The following GPR158 variants were observed in gnomAD, a reference collection of about 807,000 sequenced individuals.
GPR158 encodes the protein metabotropic glycine receptor.
Under a neutral mutation model 78.2 loss-of-function variants are expected in GPR158, and 30 were observed. The observed-to-expected ratio is 0.38, with a 90% CI of 0.29 to 0.52. GPR158 has a LOEUF of 0.52. Among genes scored for constraint, GPR158 ranks in the 20% least tolerant of loss-of-function variants. The probability of loss-of-function intolerance (pLI) is 0.83; values close to 1 mark genes in which losing one functional copy is unlikely to be tolerated. For missense variants in GPR158, 1,463 were observed against 1,523.5 expected (o/e 0.96, Z 0.66); for synonymous variants, 581 against 591.1 (o/e 0.98, Z 0.25).
chr10:25,340,954 C>A (rs983202281), intron 2 of GPR158, among the ~76,000 whole-genome samples: 2 of 151,638 alleles, frequency 1.3e-5, no homozygotes, highest in Admixed American at 6.6e-5. Flanking sequence ...AAACCAAATA[C>A]AATTTTTTTT....
intron 2 of GPR158, among the ~76,000 whole-genome samples, chr10:25,384,208 G>A (rs931368354): frequency 6.6e-6 from 1 of 151,840 alleles, no homozygotes; most frequent in Non-Finnish European, 1.5e-5. Context: ...CTATATTTTA[G>A]GATTAAAATA....
At chr10:25,314,335 A>T (rs1052809076) in intron 2 of GPR158, among the ~76,000 whole-genome samples, 1 of 152,076 alleles carries the variant, frequency 6.6e-6, no homozygotes, top group Admixed American at 6.5e-5. Flanking sequence ...TCTTGACCTC[A>T]TGATCTGCCC....
intron 2 of GPR158, among the ~76,000 whole-genome samples, chr10:25,322,480 CTT>C (rs1171215662): frequency 6.6e-6 from 1 of 152,122 alleles, no homozygotes; most frequent in Non-Finnish European, 1.5e-5. Context: ...CTAGAAAAGT[CTT>C]TGTATCTTTA....
chr10:25,217,450 G>A (rs1410962434), intron 1 of GPR158, among the ~76,000 whole-genome samples: 3 of 152,090 alleles, frequency 2.0e-5, no homozygotes, highest in African/African-American at 7.2e-5. Flanking sequence ...ACATACATGT[G>A]TATTCATGAT....
At chr10:25,198,471 C>T (rs1302337794) in intron 1 of GPR158, among the ~76,000 whole-genome samples, 2 of 152,104 alleles carry the variant, frequency 1.3e-5, no homozygotes, top group Non-Finnish European at 2.9e-5. Context: ...TTTACATTAT[C>T]ACAGGACTAT....
chr10:25,391,566 G>T (rs1345878146), intron 2 of GPR158, among the ~76,000 whole-genome samples: 2 of 152,142 alleles, frequency 1.3e-5, no homozygotes, highest in African/African-American at 4.8e-5. Flanking sequence ...CTTTATGTTG[G>T]CCAATTTATC....
At chr10:25,422,105 A>T (rs1170590838) in intron 4 of GPR158, among the ~76,000 whole-genome samples, 1 of 152,118 alleles carries the variant, frequency 6.6e-6, no homozygotes, top group Non-Finnish European at 1.5e-5. Context: ...CCATTCACCC[A>T]CCACCGACTG....
chr10:25,219,496 C>G (rs1853268373), intron 1 of GPR158, among the ~76,000 whole-genome samples: 1 of 152,178 alleles, frequency 6.6e-6, no homozygotes, highest in African/African-American at 2.4e-5. Flanking sequence ...TCTGAATGAT[C>G]AGCGTGTTTT....
chr10:25,179,136 A>G (rs1485360124), intron 1 of GPR158, among the ~76,000 whole-genome samples: 1 of 152,214 alleles, frequency 6.6e-6, no homozygotes, highest in Non-Finnish European at 1.5e-5. Flanking sequence ...CATACTCATA[A>G]AGGAAAAGGT....
Position 25,384,061 on chromosome 10 carries a change from CTATT to C in GPR158, c.1009-11845_1009-11842del, listed in dbSNP as rs1478818073. ...GTATGTGGTAAACAGTAAATATTAA[CTATT>C]TATTATCTTATTTACCCTTACTTTA... On this transcript the variant is annotated intron_variant, in intron 2 of 10. Coordinates refer to ENST00000376351, the MANE Select transcript of GPR158 (RefSeq NM_020752.3). 6.6e-5 allele frequency among the ~76,000 whole-genome samples: 10 copies of C among 152,230 alleles called. No homozygotes were observed. In the South Asian group the frequency reaches 1.2e-3, roughly 19 times the overall value.
chr10:25,368,995 G>A (rs889563885), intron 2 of GPR158, among the ~76,000 whole-genome samples: 1 of 150,200 alleles, frequency 6.7e-6, no homozygotes, highest in African/African-American at 2.5e-5. Context: ...GTATAGGAAT[G>A]CTTGTGATTT....
chr10:25,482,242 G>A (rs1481338125), intron 5 of GPR158, among the ~76,000 whole-genome samples: 1 of 151,998 alleles, frequency 6.6e-6, no homozygotes, highest in African/African-American at 2.4e-5. Context: ...GGAGGGCAGT[G>A]GCATGATCAT....
intron 5 of GPR158, among the ~76,000 whole-genome samples, chr10:25,499,049 G>A (rs986142974): frequency 2.0e-5 from 3 of 152,094 alleles, no homozygotes; most frequent in African/African-American, 7.2e-5. Flanking sequence ...TGGTTAAGTG[G>A]GAAGGGCAGA....
intron 5 of GPR158, among the ~76,000 whole-genome samples, chr10:25,490,426 A>G (rs17556614): frequency 2.5e-5 from 3 of 117,880 alleles, no homozygotes; most frequent in Admixed American, 1.8e-4. Context: ...ATATCTCCCA[A>G]TGCTATCCCT....
intron 5 of GPR158, among the ~76,000 whole-genome samples, chr10:25,520,714 G>A (rs1023115396): frequency 3.3e-5 from 5 of 152,258 alleles, no homozygotes; most frequent in African/African-American, 7.2e-5. Context: ...ACCCGCTTGA[G>A]GAGGCAGTCT....
chr10:25,425,741 T>C (rs1179044573), intron 4 of GPR158, among the ~76,000 whole-genome samples: 1 of 152,096 alleles, frequency 6.6e-6, no homozygotes, highest in Non-Finnish European at 1.5e-5. Context: ...ATTTCTTATA[T>C]TGCCTCTTCT....
chr10:25,519,620 C>T lies in GPR158; in HGVS notation c.1405-31356C>T, dbSNP rs1222518917. Among the ~76,000 whole-genome samples, 31 of 144,002 alleles carry T rather than the reference C, an allele frequency of 2.2e-4. 1 individual carries two copies. In the East Asian group the frequency reaches 3.5e-3, roughly 16 times the overall value. 94.5% of individuals were successfully genotyped at this position (144,002 alleles called of 152,430 possible). ...CTTGTCTGTAAAGTATTTTATTTCTCCTTCACTTACGAAGCTTAGCTTGGC... is the reference window on the plus strand; with the variant it reads ...CTTGTCTGTAAAGTATTTTATTTCTTCTTCACTTACGAAGCTTAGCTTGGC... On this transcript the variant is annotated intron_variant, in intron 5 of 10. Coordinates refer to ENST00000376351, the MANE Select transcript of GPR158 (RefSeq NM_020752.3).
intron 6 of GPR158, among the ~76,000 whole-genome samples, chr10:25,563,989 A>G (rs1319289360): frequency 6.6e-6 from 1 of 151,514 alleles, no homozygotes; most frequent in Non-Finnish European, 1.5e-5. Flanking sequence ...TTTGAATATT[A>G]TATTATGGTA....
intron 2 of GPR158, among the ~76,000 whole-genome samples, chr10:25,241,745 A>T (rs1853632448): frequency 6.6e-6 from 1 of 152,124 alleles, no homozygotes; most frequent in Non-Finnish European, 1.5e-5. Context: ...ACTGAATAAG[A>T]TAACTCTATT....
Sources: allele counts gnomAD v4.1 joint callset (sites outside exome capture counted in the v4.1 genomes callset), GRCh38; gene constraint gnomAD v4.1.1; transcripts MANE v1.5; gene names NCBI Gene and HGNC (gene_info 2026-07-23, HGNC 2026-07-21).